Variants in RLF observed in about 807,000 individuals in gnomAD.
RLF encodes the protein zinc finger protein Rlf.
In RLF, 7 loss-of-function variants were observed where a neutral mutation model predicts 162.9. The observed-to-expected ratio is 0.04, with a 90% CI of 0.02 to 0.08. The LOEUF (loss-of-function observed/expected upper bound fraction) is 0.08, where lower values mean the gene tolerates loss of function less well. Among genes scored for constraint, RLF ranks in the 10% least tolerant of loss-of-function variants. RLF has a pLI of 1.00. For missense variants in RLF, 1,664 were observed against 2,244.7 expected (o/e 0.74, Z 5.23); for synonymous variants, 782 against 791.5 (o/e 0.99, Z 0.20).
chr1:40,185,999 A>T (rs1025582629), intron 1 of RLF, among the ~76,000 whole-genome samples: 1 of 152,036 alleles, frequency 6.6e-6, no homozygotes, highest in Admixed American at 6.6e-5. Flanking sequence ...TCTACTAAAA[A>T]CAGGAAAATT....
At chr1:40,215,222 A>G (rs993994795) in intron 5 of RLF, among the ~76,000 whole-genome samples, 6 of 152,270 alleles carry the variant, frequency 3.9e-5, no homozygotes, top group Admixed American at 3.3e-4. Context: ...ACTCTGAATA[A>G]TGGGTAGAAC....
chr1:40,185,822 G>A (rs1339113369), intron 1 of RLF, among the ~76,000 whole-genome samples: 7 of 80,102 alleles, frequency 8.7e-5, no homozygotes, highest in African/African-American at 4.1e-4. Context: ...GAGTGAGACT[G>A]TCTCAAAAAA....
chr1:40,203,061 G>GAAC (rs1642739756), intron 5 of RLF, among the ~76,000 whole-genome samples: 1 of 148,984 alleles, frequency 6.7e-6, no homozygotes, highest in Non-Finnish European at 1.5e-5. Flanking sequence ...ACTACATCCT[G>GAAC]AACAATTAAG....
At chr1:40,216,192 C>G (rs1642921662) in intron 5 of RLF, among the ~76,000 whole-genome samples, 1 of 152,070 alleles carries the variant, frequency 6.6e-6, no homozygotes, top group Non-Finnish European at 1.5e-5. Context: ...AAAGATAAAA[C>G]CCACTGAGGC....
At chr1:40,224,434 G>A (rs1643036621) in intron 6 of RLF, among the ~76,000 whole-genome samples, 1 of 149,350 alleles carries the variant, frequency 6.7e-6, no homozygotes, top group Non-Finnish European at 1.5e-5. Flanking sequence ...ACACTGCCAC[G>A]CCCGACTAAT....
At chr1:40,189,875 C>G (rs1229725222) in intron 2 of RLF, among the ~76,000 whole-genome samples, 1 of 152,096 alleles carries the variant, frequency 6.6e-6, no homozygotes, top group Non-Finnish European at 1.5e-5. Context: ...AAAATTACAC[C>G]TTTATTGTAA....
At chr1:40,227,395 G>A (rs1021110398) in intron 6 of RLF, among the ~76,000 whole-genome samples, 2 of 152,036 alleles carry the variant, frequency 1.3e-5, no homozygotes, top group South Asian at 2.1e-4. Flanking sequence ...TTATCCTAGC[G>A]CATGTTTGAT....
rs754042639 is a variant in RLF, at chr1:40,236,036, C to T, written c.1334C>T (p.Ala445Val). The T allele has an allele frequency of 4.3e-6, 7 of 1,613,426 alleles. No homozygotes were observed. In the African/African-American group the frequency reaches 9.4e-5, roughly 22 times the overall value. Reference sequence around the variant, plus strand: ...GATCAAAAATTTGATGAAGAAAATGCACCGGTTCCAAATTCTCTTCGATGT... The same window carrying T: ...GATCAAAAATTTGATGAAGAAAATGTACCGGTTCCAAATTCTCTTCGATGT... ...QPDQKFDEEN[A>V]PVPNSLRCEL... The change falls in exon 8 of 8, where the codon GCA becomes GTA. Residue 445 changes from alanine (A) to valine (V), a missense_variant. Around this residue, in one of 15 missense-constraint regions of RLF, gnomAD observed 287 missense variants for 404.9 expected, o/e 0.71. Transcript: ENST00000372771. The surrounding 1 kb of genome is among the most constrained non-coding windows in gnomAD (Gnocchi z 7.7).
intron 5 of RLF, among the ~76,000 whole-genome samples, chr1:40,216,896 A>G (rs1258852069): frequency 6.6e-6 from 1 of 152,054 alleles, no homozygotes; most frequent in Non-Finnish European, 1.5e-5. Flanking sequence ...TACTAAAAAT[A>G]CAAAAATTAG....
At chr1:40,222,818 G>T in intron 6 of RLF, 108 bp downstream of exon 6, 2 of 862,416 alleles carry the variant, frequency 2.3e-6, no homozygotes, top group Non-Finnish European at 3.6e-6. Context: ...CATGACCTGT[G>T]AATAGCTTCT....
intron 3 of RLF, among the ~76,000 whole-genome samples, chr1:40,193,066 G>A (rs1642581539): frequency 7.0e-6 from 1 of 143,082 alleles, no homozygotes; most frequent in Non-Finnish European, 1.5e-5. Flanking sequence ...CCAATGTCTT[G>A]CTATTTACTG....
In RLF at chr1:40,179,363, C is replaced by T. The variant is rs575589700; in HGVS notation, c.238-9692C>T. 1.2e-4 allele frequency among the ~76,000 whole-genome samples: 19 copies of T among 152,240 alleles called. No individual in the cohort carries two copies. In the South Asian group the frequency reaches 3.9e-3, roughly 32 times the overall value. ...CATGATAAAGTTTGAACTTTACAAT[C>T]TCCAGATTTAAGAAGTATTGTAAGT... On this transcript the variant is annotated intron_variant, in intron 1 of 7. Coordinates refer to ENST00000372771, the MANE Select transcript of RLF (RefSeq NM_012421.4).
At chr1:40,232,227 AAAAG>A (rs1208574785) in intron 7 of RLF, among the ~76,000 whole-genome samples, 20 of 152,020 alleles carry the variant, frequency 1.3e-4, no homozygotes, top group Non-Finnish European at 2.2e-4. Context: ...AAAAAAAAAA[AAAAG>A]AACATTTCAA....
chr1:40,169,622 C>CA (rs886534976), intron 1 of RLF, among the ~76,000 whole-genome samples: 5,786 of 45,750 alleles, frequency 0.13, 727 homozygotes, highest in African/African-American at 0.26. Flanking sequence ...GACTCCGTCT[C>CA]AAAAAAAAAA....
chr1:40,179,417 A>T (rs1228356963), intron 1 of RLF, among the ~76,000 whole-genome samples: 2 of 152,172 alleles, frequency 1.3e-5, no homozygotes, highest in Admixed American at 6.5e-5. Context: ...TGGCTCGCTA[A>T]TGCAGAAATG....
At chr1:40,226,947 C>G (rs1319440552) in intron 6 of RLF, among the ~76,000 whole-genome samples, 8 of 152,172 alleles carry the variant, frequency 5.3e-5, no homozygotes. Context: ...TCACTGCAAC[C>G]TCTGCCTCCC....
chr1:40,226,008 A>G (rs1557758226), intron 6 of RLF, among the ~76,000 whole-genome samples: 1 of 151,938 alleles, frequency 6.6e-6, no homozygotes, highest in East Asian at 1.9e-4. Context: ...CCAAGATCAC[A>G]CTGCAGCACT....
chr1:40,200,866 CTACACACACACA>C (rs1221819767), intron 4 of RLF, among the ~76,000 whole-genome samples: 7 of 107,740 alleles, frequency 6.5e-5, no homozygotes, highest in Non-Finnish European at 9.3e-5. Context: ...CATTGCTACT[CTACACACACACA>C]CACACACACA....
chr1:40,215,466 C>G (rs1642914049), intron 5 of RLF, among the ~76,000 whole-genome samples: 1 of 151,734 alleles, frequency 6.6e-6, no homozygotes, highest in Non-Finnish European at 1.5e-5. Context: ...AAATTAGAAA[C>G]CAATAGCAGA....
Sources: allele counts gnomAD v4.1 joint callset (sites outside exome capture counted in the v4.1 genomes callset), GRCh38; gene constraint gnomAD v4.1.1; regional missense constraint gnomAD v4.1.1; non-coding constraint Gnocchi (gnomAD v3.1); transcripts MANE v1.5; gene names NCBI Gene and HGNC (gene_info 2026-07-23, HGNC 2026-07-21).